Variants in SP100 observed in about 807,000 individuals in gnomAD.
SP100 encodes nuclear autoantigen Sp-100.
Under a neutral mutation model 130.0 loss-of-function variants are expected in SP100, and 84 were observed. The observed-to-expected ratio is 0.65, with a 90% CI of 0.54 to 0.77. SP100 has a LOEUF of 0.77. Ranked by LOEUF, SP100 falls within the 30% of genes least tolerant of loss-of-function variation. SP100 has a pLI of 0.00. For synonymous variants in SP100, 331 were observed against 351.7 expected (o/e 0.94, Z 0.66); for missense variants, 978 against 1,052.2 (o/e 0.93, Z 0.97).
At chr2:230,514,706 G>T (rs975056329) in intron 24 of SP100, among the ~76,000 whole-genome samples, 2 of 152,172 alleles carry the variant, frequency 1.3e-5, no homozygotes, top group African/African-American at 4.8e-5. Flanking sequence ...TTTTAAGTTG[G>T]CTTTGCTGGA....
intron 2 of SP100, among the ~76,000 whole-genome samples, chr2:230,427,530 CTA>C (rs2062970290): frequency 6.6e-6 from 1 of 152,064 alleles, no homozygotes; most frequent in South Asian, 2.1e-4. Context: ...TTCAGTCACT[CTA>C]TTTCTTTTGA....
At chr2:230,482,150 G>T (rs2065863177) in intron 17 of SP100, among the ~76,000 whole-genome samples, 2 of 151,960 alleles carry the variant, frequency 1.3e-5, no homozygotes, top group African/African-American at 4.8e-5. Flanking sequence ...TTGTGTAATT[G>T]GTCTGTTTTA....
chr2:230,500,048 T>A (rs1047015470), intron 19 of SP100, among the ~76,000 whole-genome samples: 1 of 152,172 alleles, frequency 6.6e-6, no homozygotes, highest in Non-Finnish European at 1.5e-5. Flanking sequence ...TCTTGGATGT[T>A]GAGGCTTCTG....
intron 19 of SP100, among the ~76,000 whole-genome samples, chr2:230,500,255 G>A (rs2066945147): frequency 6.6e-6 from 1 of 152,108 alleles, no homozygotes; most frequent in Admixed American, 6.5e-5. Context: ...CTTTGTCCAG[G>A]CATTTGACTG....
At chr2:230,539,238 C>A in intron 24 of SP100, 29 bp from the exon 25 acceptor site, 1 of 1,420,460 alleles carries the variant, frequency 7.0e-7, no homozygotes, top group South Asian at 1.1e-5. Flanking sequence ...TCTCACTGAT[C>A]CCGGTGATGT....
chr2:230,451,955 T>C (rs1210887163), intron 8 of SP100, among the ~76,000 whole-genome samples: 1 of 152,226 alleles, frequency 6.6e-6, no homozygotes, highest in Admixed American at 6.5e-5. Context: ...TGACCATAAA[T>C]GCATGGATCC....
At chr2:230,487,695 TTTCTAA>T (rs1459649934) in intron 17 of SP100, among the ~76,000 whole-genome samples, 2 of 151,664 alleles carry the variant, frequency 1.3e-5, no homozygotes, top group African/African-American at 2.4e-5. Flanking sequence ...AAAGTAGTTT[TTTCTAA>T]TTCTGTCTAA....
chr2:230,483,830 A>G (rs923730791), intron 17 of SP100, among the ~76,000 whole-genome samples: 1 of 152,214 alleles, frequency 6.6e-6, no homozygotes, highest in South Asian at 2.1e-4. Flanking sequence ...ATATTGGACC[A>G]TTGCTTCTAG....
At chr2:230,537,327 C>A (rs1331746089) in intron 24 of SP100, among the ~76,000 whole-genome samples, 3 of 152,114 alleles carry the variant, frequency 2.0e-5, no homozygotes, top group Non-Finnish European at 4.4e-5. Context: ...AAGAAGTTGC[C>A]ATGCCCTCTA....
chr2:230,514,331 T>C (rs2150087941), intron 24 of SP100, among the ~76,000 whole-genome samples: 1 of 151,720 alleles, frequency 6.6e-6, no homozygotes, highest in South Asian at 2.1e-4. Flanking sequence ...AAAATTATAA[T>C]CAAAAAGAGA....
chr2:230,477,870 G>A (rs2065638211), intron 17 of SP100, among the ~76,000 whole-genome samples: 1 of 150,278 alleles, frequency 6.7e-6, no homozygotes, highest in South Asian at 2.1e-4. Context: ...GGGAGGCAGA[G>A]GTTGCAGTGA....
intron 2 of SP100, among the ~76,000 whole-genome samples, chr2:230,420,272 C>T (rs2062730560): frequency 6.6e-6 from 1 of 152,184 alleles, no homozygotes; most frequent in South Asian, 2.1e-4. Context: ...TCTTCTCCCT[C>T]TTAATATTGT....
At chr2:230,513,505 T>C (rs1410431789) in intron 24 of SP100, among the ~76,000 whole-genome samples, 1 of 126,810 alleles carries the variant, frequency 7.9e-6, no homozygotes, top group Non-Finnish European at 1.8e-5. Context: ...GATTATCACA[T>C]TCCCTTTTTG....
intron 24 of SP100, among the ~76,000 whole-genome samples, chr2:230,532,737 C>T (rs531239074): frequency 1.3e-5 from 2 of 152,096 alleles, no homozygotes; most frequent in Non-Finnish European, 2.9e-5. Context: ...TACTATATTA[C>T]CAATCATGGA....
chr2:230,498,470 A>C lies in SP100; in HGVS notation c.1655A>C (p.Lys552Thr), dbSNP rs1470898565. Residue 552 changes from lysine to threonine, a missense_variant, in exon 19 of 29, where the codon AAA becomes ACA. Transcript: ENST00000340126. ...KVNGLQRGRKKDRPRKHLTLN... is the reference protein window; with the variant it reads ...KVNGLQRGRKTDRPRKHLTLN... ...TTTCCTATTTTCTCAGGGAGAAAGA[A>C]AGACAGACCTAGAAAACATTTAACT... The C allele has an allele frequency of 3.3e-6, 5 of 1,511,440 alleles. No homozygotes were observed. Among genetic ancestry groups the C allele is most frequent in the African/African-American group, 2.9e-5 (2 of 68,686 alleles). 93.6% of individuals were successfully genotyped at this position (1,511,440 alleles called of 1,614,324 possible).
intron 24 of SP100, among the ~76,000 whole-genome samples, chr2:230,522,605 C>T (rs1691228182): frequency 6.7e-6 from 1 of 149,820 alleles, no homozygotes; most frequent in African/African-American, 2.5e-5. Context: ...TCTCCTGCCT[C>T]AGCCTCCCGA....
At chr2:230,515,579 A>C (rs1690872117) in intron 24 of SP100, 3 of 1,600,444 alleles carry the variant, frequency 1.9e-6, no homozygotes, top group Non-Finnish European at 2.6e-6. Context: ...AAAAAGAAGG[A>C]AGAGGAAGAA....
At chr2:230,468,826 A>AG in intron 13 of SP100, 2 of 285,158 alleles carry the variant, frequency 7.0e-6, no homozygotes, top group East Asian at 1.2e-4. Flanking sequence ...TCAAAAAAAA[A>AG]AAAAAAAAAA....
At position 230,494,450 on chromosome 2, in the gene SP100, T is replaced by C. The variant is rs756547345; in HGVS notation, c.1635T>C (p.Gly545=). The C allele has an allele frequency of 3.7e-6, 6 of 1,608,200 alleles. No individual in the cohort carries two copies. The East Asian group carries it at 1.3e-4, about 36-fold the overall frequency. Reference sequence around the variant, plus strand: ...GAAGGCATAGATCTAAAGTAAATGGTCTCCAAAGAGGTAAGAAGAAATGTG... The same window carrying C: ...GAAGGCATAGATCTAAAGTAAATGGCCTCCAAAGAGGTAAGAAGAAATGTG... The part of the protein sequence containing the change: ...KKRRHRSKVN[G]LQRGRKKDRP... Residue 545 remains glycine, a synonymous_variant, in exon 18 of 29, where the codon GGT becomes GGC. Transcript: ENST00000340126.
Sources: allele counts gnomAD v4.1 joint callset (sites outside exome capture counted in the v4.1 genomes callset), GRCh38; gene constraint gnomAD v4.1.1; transcripts MANE v1.5; gene names NCBI Gene and HGNC (gene_info 2026-07-23, HGNC 2026-07-21).